ZNF583: variants seen among roughly 807,000 people sequenced by gnomAD.
ZNF583 encodes zinc finger protein 583, also known as zinc finger protein L3-5.
A neutral mutation model predicts 55.3 loss-of-function variants in ZNF583; 30 were observed. The observed-to-expected ratio is 0.54, with a 90% CI of 0.41 to 0.74. ZNF583 has a LOEUF of 0.74. Ranked by LOEUF, ZNF583 falls within the 30% of genes least tolerant of loss-of-function variation. The pLI, the probability that ZNF583 is intolerant of heterozygous loss-of-function variation, is 0.00. For synonymous variants in ZNF583, 208 were observed against 220.0 expected (o/e 0.95, Z 0.48); for missense variants, 504 against 664.7 (o/e 0.76, Z 2.66).
At position 56,425,526 on chromosome 19, in the gene ZNF583, A is replaced by G. The variant is rs763126706; in HGVS notation, c.*1158A>G. On this transcript the variant is annotated 3_prime_UTR_variant, in exon 5 of 5. Coordinates refer to ENST00000333201, the MANE Select transcript of ZNF583 (RefSeq NM_152478.3). Reference sequence around the variant, plus strand: ...TGCCTGGCCTAAAAAGTCATTTTTAATAAGACAGTTTACTGAGATGTATTC... The same window carrying G: ...TGCCTGGCCTAAAAAGTCATTTTTAGTAAGACAGTTTACTGAGATGTATTC... The G allele has an allele frequency of 2.0e-5, 3 of 152,278 alleles. No homozygotes were observed. Among genetic ancestry groups the G allele is most frequent in the Non-Finnish European group, 4.4e-5 (3 of 68,016 alleles). 9.4% of individuals were successfully genotyped at this position (152,278 alleles called of 1,614,324 possible).
At position 56,426,877 on chromosome 19, in the gene ZNF583, C is replaced by T. The variant is rs191950108; in HGVS notation, c.*2509C>T. ...AATTTTATTTTGAAGTTCAAAAACT[C>T]GGCACACAATGTCTTTCCCTCCAGA... On this transcript the variant is annotated 3_prime_UTR_variant, in exon 5 of 5. Transcript: ENST00000333201. 1.3e-5 allele frequency: 2 copies of T among 150,860 alleles called. No homozygotes were observed. Among genetic ancestry groups the T allele is most frequent in the Admixed American group, 6.6e-5 (1 of 15,144 alleles). 9.3% of individuals were successfully genotyped at this position (150,860 alleles called of 1,614,324 possible).
In ZNF583 at chr19:56,423,831, G is replaced by T. The variant is rs760633358; in HGVS notation, c.1173G>T (p.Gln391His). The T allele has an allele frequency of 6.2e-7, 1 of 1,613,846 alleles. No homozygotes were observed. The highest frequency in any genetic ancestry group is 8.5e-7 in the Non-Finnish European group (1 of 1,179,916). Reference protein sequence around the residue: ...ECKECRKAFSQYAHLAQHQRV... With the variant: ...ECKECRKAFSHYAHLAQHQRV... ...AGGAATGTAGGAAAGCCTTCAGCCA[G>T]TATGCACACCTTGCTCAACATCAGA... Residue 391 changes from glutamine to histidine, a missense_variant, in exon 5 of 5, where the codon CAG (glutamine) becomes CAT (histidine). Physicochemically the swap from Gln to His is conservative, Grantham distance 24 (BLOSUM62 0). Transcript: ENST00000333201.
chr19:56,424,970 A>G lies in ZNF583; in HGVS notation c.*602A>G, dbSNP rs2042481015. The G allele has an allele frequency of 6.6e-6, 1 of 152,616 alleles. No homozygotes were observed. The highest frequency in any genetic ancestry group is 2.4e-5 in the African/African-American group (1 of 41,450). The allele number at this position is 152,616 out of a possible 1,614,324, so 9.5% of individuals were successfully genotyped here. ...TAAAGTAAAAAGATAACCATACTAT[A>G]CATAGAAAGCCAATCATCTCAGCCA... On this transcript the variant is annotated 3_prime_UTR_variant, in exon 5 of 5. Coordinates refer to ENST00000333201, the MANE Select transcript of ZNF583 (RefSeq NM_152478.3).
intron 2 of ZNF583, among the ~76,000 whole-genome samples, chr19:56,408,979 C>T (rs9789281): frequency 0.55 from 83,392 of 150,376 alleles, 23,393 homozygotes; most frequent in East Asian, 0.88. Context: ...TTGCATTTGC[C>T]CCCCCATCCC....
At chr19:56,406,621 C>T (rs2042154348) in intron 1 of ZNF583, among the ~76,000 whole-genome samples, 1 of 150,442 alleles carries the variant, frequency 6.6e-6, no homozygotes, top group Non-Finnish European at 1.5e-5. Context: ...CAAGCTCCGC[C>T]TCCTGGGTTC....
At chr19:56,422,175 T>C (rs2042426100) in intron 4 of ZNF583, among the ~76,000 whole-genome samples, 1 of 152,168 alleles carries the variant, frequency 6.6e-6, no homozygotes, top group Non-Finnish European at 1.5e-5. Flanking sequence ...TTTCACTTTA[T>C]TCTAAATGTA....
chr19:56,407,085 G>C lies in ZNF583; in HGVS notation c.-30G>C. On this transcript the variant is annotated 5_prime_UTR_variant, in exon 2 of 5. Coordinates refer to ENST00000333201, the MANE Select transcript of ZNF583 (RefSeq NM_152478.3). ...GAGGAGCTGAAGGAGTAGGACAGAAGAACTGTCAAATTCTGGAATCCTTAA... is the reference window on the plus strand; with the variant it reads ...GAGGAGCTGAAGGAGTAGGACAGAACAACTGTCAAATTCTGGAATCCTTAA... 1 of 1,613,916 alleles carries C rather than the reference G, an allele frequency of 6.2e-7. No individual in the cohort carries two copies. The highest frequency in any genetic ancestry group is 8.5e-7 in the Non-Finnish European group (1 of 1,179,840).
At chr19:56,406,545 T>G (rs2042152311) in intron 1 of ZNF583, among the ~76,000 whole-genome samples, 2 of 149,100 alleles carry the variant, frequency 1.3e-5, no homozygotes, top group Admixed American at 6.7e-5. Context: ...TTTTTTTTTT[T>G]TTTTTGAGAC....
At chr19:56,412,901 A>G (rs761743141) in intron 2 of ZNF583, among the ~76,000 whole-genome samples, 2 of 151,926 alleles carry the variant, frequency 1.3e-5, no homozygotes, top group Non-Finnish European at 2.9e-5. Context: ...TTTGATTCAG[A>G]TACCTTTTTG....
At chr19:56,419,831 A>G (rs1281141689) in intron 4 of ZNF583, among the ~76,000 whole-genome samples, 1 of 152,204 alleles carries the variant, frequency 6.6e-6, no homozygotes, top group African/African-American at 2.4e-5. Context: ...TAGGCTATGT[A>G]ATGATAACTC....
intron 4 of ZNF583, among the ~76,000 whole-genome samples, chr19:56,417,700 G>C (rs1486430619): frequency 2.0e-5 from 3 of 152,126 alleles, no homozygotes; most frequent in Non-Finnish European, 4.4e-5. Context: ...CTTGGTTGGT[G>C]CTTCTTATAT....
intron 4 of ZNF583, chr19:56,421,527 T>A (rs1194457472): frequency 3.0e-6 from 3 of 983,696 alleles, no homozygotes; most frequent in Non-Finnish European, 3.6e-6. Context: ...TCAATTTAAG[T>A]ATGTTGCCTT....
At chr19:56,421,428 T>C (rs913040704) in intron 4 of ZNF583, 1 of 984,002 alleles carries the variant, frequency 1.0e-6, no homozygotes, top group African/African-American at 1.7e-5. Flanking sequence ...TGACTTTTTA[T>C]AGGGCATTCA....
At chr19:56,418,707 A>G (rs1031106076) in intron 4 of ZNF583, among the ~76,000 whole-genome samples, 4 of 145,762 alleles carry the variant, frequency 2.7e-5, no homozygotes, top group African/African-American at 1.0e-4. Flanking sequence ...TGCTATCTAC[A>G]AATACAGTTT....
chr19:56,423,375 C>CTA lies in ZNF583; in HGVS notation c.719_720dup (p.Ala241MetfsTer72), dbSNP rs776155553. ...AGAGAATTCATACTGGAGAGAAACC[C>CTA]TATGCATGTGTTGAATGTGGGAAAA... is the stretch of plus-strand genomic sequence containing the variant. On this transcript the variant is annotated frameshift_variant, in exon 5 of 5. Transcript: ENST00000333201. LOFTEE classifies it high-confidence loss of function. 3.6e-5 allele frequency: 58 copies of CTA among 1,613,696 alleles called. No individual in the cohort carries two copies. The highest frequency in any genetic ancestry group is 4.9e-5 in the Non-Finnish European group (58 of 1,179,912).
Position 56,407,007 on chromosome 19 carries a change from G to A in ZNF583, c.-89-19G>A, listed in dbSNP as rs548886573. On this transcript the variant is annotated intron_variant, in intron 1 of 4. Transcript: ENST00000333201. ...TGCAGGGCAGGCCTGGCATTTTATG[G>A]TTTCTTTTCCTTCTCCAGCTCGACT... 7.4e-7 allele frequency: 1 copy of A among 1,348,528 alleles called. No homozygotes were observed. Among genetic ancestry groups the A allele is most frequent in the African/African-American group, 1.5e-5 (1 of 68,204 alleles). The allele number at this position is 1,348,528 out of a possible 1,614,324, so 83.5% of individuals were successfully genotyped here.
intron 2 of ZNF583, among the ~76,000 whole-genome samples, chr19:56,407,531 G>A (rs1052308066): frequency 6.6e-6 from 1 of 152,218 alleles, no homozygotes; most frequent in African/African-American, 2.4e-5. Flanking sequence ...TTATCAGGTG[G>A]TCTTAGTCAC....
chr19:56,420,931 T>C (rs2147604477), intron 4 of ZNF583, among the ~76,000 whole-genome samples: 1 of 152,346 alleles, frequency 6.6e-6, no homozygotes, highest in South Asian at 2.1e-4. Context: ...CTCTTTAATA[T>C]TTCTCATTAA....
Position 56,424,733 on chromosome 19 carries a change from T to G in ZNF583, c.*365T>G, listed in dbSNP as rs1393520639. The G allele has an allele frequency of 2.9e-5, 5 of 170,754 alleles. No homozygotes were observed. Among genetic ancestry groups the G allele is most frequent in the African/African-American group, 1.2e-4 (5 of 41,924 alleles). 10.6% of individuals were successfully genotyped at this position (170,754 alleles called of 1,614,324 possible). ...ACTTATCCAGGATTAAGATACATAT[T>G]CCAGGATCAAAAAGACCTGGGTTCC... On this transcript the variant is annotated 3_prime_UTR_variant, in exon 5 of 5. Transcript: ENST00000333201.
Sources: allele counts gnomAD v4.1 joint callset (sites outside exome capture counted in the v4.1 genomes callset), GRCh38; gene constraint gnomAD v4.1.1; transcripts MANE v1.5; gene names NCBI Gene and HGNC (gene_info 2026-07-23, HGNC 2026-07-21).